ZNF536: variants seen among roughly 807,000 people sequenced by gnomAD.
ZNF536 encodes the protein zinc finger protein 536.
Under a neutral mutation model 84.5 loss-of-function variants are expected in ZNF536, and 13 were observed. The observed-to-expected ratio is 0.15, with a 90% CI of 0.10 to 0.24. ZNF536 has a LOEUF of 0.24. Among genes scored for constraint, ZNF536 ranks in the 10% least tolerant of loss-of-function variants. The pLI is 1.00. For synonymous variants in ZNF536, 811 were observed against 742.5 expected, an observed-to-expected ratio of 1.09 and a Z score of -1.50; for missense variants, 1,536 against 1,747.5, an observed-to-expected ratio of 0.88 and a Z score of 2.16.
At chr19:30,297,118 CAA>C (rs2046022039) in intron 2 of ZNF536, among the ~76,000 whole-genome samples, 2 of 152,200 alleles carry the variant, frequency 1.3e-5, no homozygotes, top group African/African-American at 2.4e-5. Context: ...AAGAGATTTT[CAA>C]AAGAGTCTTG....
chr19:30,403,966 A>G (rs921558379), intron 1 of ZNF536, among the ~76,000 whole-genome samples: 15 of 151,124 alleles, frequency 9.9e-5, no homozygotes, highest in South Asian at 2.1e-4. Context: ...GATTCAGGCA[A>G]TTTAAGCCCT....
At position 30,242,848 on chromosome 19, in the gene ZNF536, A is replaced by C. The variant is rs55818943; in HGVS notation, c.-190+14175A>C. 4.4e-3 allele frequency among the ~76,000 whole-genome samples: 666 copies of C among 152,200 alleles called. 5 individuals carry two copies. Among genetic ancestry groups the C allele is most frequent in the African/African-American group, 0.015 (634 of 41,532 alleles). ...TTAACTTTTTAATTTTATTCTTATTATGTTTTTTGGTGGAAAATGAAATAT... is the reference window on the plus strand; with the variant it reads ...TTAACTTTTTAATTTTATTCTTATTCTGTTTTTTGGTGGAAAATGAAATAT... On this transcript the variant is annotated intron_variant, in intron 1 of 5. Coordinates refer to the ZNF536 transcript ENST00000585628.
Position 30,268,585 on chromosome 19 carries a change from G to A in ZNF536, c.-189-15487G>A, listed in dbSNP as rs573582488. Reference sequence around the variant, plus strand: ...CTGCCTGGTGTCTGAACAAATGGACGATCTATAACGACTTCCTTCTCCTAC... The same window carrying A: ...CTGCCTGGTGTCTGAACAAATGGACAATCTATAACGACTTCCTTCTCCTAC... On this transcript the variant is annotated intron_variant, in intron 1 of 5. Coordinates refer to the ZNF536 transcript ENST00000585628. 3.3e-5 allele frequency among the ~76,000 whole-genome samples: 5 copies of A among 152,242 alleles called. No individual in the cohort carries two copies. In the East Asian group the frequency reaches 7.7e-4, roughly 24 times the overall value.
intron 2 of ZNF536, among the ~76,000 whole-genome samples, chr19:30,345,243 T>TA (rs574075641): frequency 1.3e-5 from 2 of 151,846 alleles, no homozygotes; most frequent in Admixed American, 1.3e-4. Flanking sequence ...CCCCGGGGGC[T>TA]CCCCCCAGCA....
upstream of ZNF536, among the ~76,000 whole-genome samples, chr19:30,226,517 G>A (rs972362511): frequency 1.3e-5 from 2 of 152,092 alleles, no homozygotes; most frequent in African/African-American, 4.8e-5. The surrounding 1 kb of genome is among the most constrained non-coding windows in gnomAD (Gnocchi z 4.6). Flanking sequence ...CGGGAGCCTG[G>A]CCAGGCTGAG....
At chr19:30,676,617 T>C (rs956663201) in intron 1 of ZNF536, among the ~76,000 whole-genome samples, 3 of 152,252 alleles carry the variant, frequency 2.0e-5, no homozygotes, top group Non-Finnish European at 2.9e-5. Flanking sequence ...GACTGGTTTA[T>C]AGATTATGAT....
chr19:30,369,366 T>G (rs1460951386), upstream of ZNF536, among the ~76,000 whole-genome samples: 1 of 152,230 alleles, frequency 6.6e-6, no homozygotes, highest in Non-Finnish European at 1.5e-5. Flanking sequence ...GATCTCTTAT[T>G]TATAAATGTA....
At chr19:30,596,721 T>C (rs2047476648) in intron 1 of ZNF536, among the ~76,000 whole-genome samples, 1 of 152,026 alleles carries the variant, frequency 6.6e-6, no homozygotes, top group Non-Finnish European at 1.5e-5. Context: ...CTTTGCAAAG[T>C]AGTCGGCCGT....
At chr19:30,475,305 T>G (rs1047782981) in intron 2 of ZNF536, among the ~76,000 whole-genome samples, 5 of 152,152 alleles carry the variant, frequency 3.3e-5, no homozygotes, top group African/African-American at 1.2e-4. Context: ...GCCCTGTTCC[T>G]GTCCGTGTAA....
At chr19:30,677,815 GC>G (rs1286069341) in intron 1 of ZNF536, among the ~76,000 whole-genome samples, 1 of 152,148 alleles carries the variant, frequency 6.6e-6, no homozygotes, top group Non-Finnish European at 1.5e-5. Flanking sequence ...CACGTGGCCT[GC>G]CCCCTCTGAT....
At chr19:30,590,137 A>G (rs1012822158) in intron 1 of ZNF536, among the ~76,000 whole-genome samples, 3 of 152,142 alleles carry the variant, frequency 2.0e-5, no homozygotes, top group African/African-American at 7.2e-5. Flanking sequence ...GATGTTGGCC[A>G]TGTCAACCCA....
At chr19:30,290,446 T>A (rs1341929829) in intron 2 of ZNF536, among the ~76,000 whole-genome samples, 3 of 152,074 alleles carry the variant, frequency 2.0e-5, no homozygotes, top group East Asian at 1.9e-4. Context: ...AATTTAAAAA[T>A]TTTTTTGTAG....
chr19:30,709,064 T>A (rs1174827373), intron 1 of ZNF536, among the ~76,000 whole-genome samples: 2 of 152,088 alleles, frequency 1.3e-5, no homozygotes, highest in Non-Finnish European at 2.9e-5. Flanking sequence ...GGAGATGCCA[T>A]TGCTTCAGAA....
chr19:30,564,179 A>T (rs2046271725), intron 1 of ZNF536, among the ~76,000 whole-genome samples: 1 of 152,180 alleles, frequency 6.6e-6, no homozygotes. Context: ...AGATAAAATT[A>T]AATGAAAGAG....
At chr19:30,600,479 C>T (rs928412606) in intron 1 of ZNF536, among the ~76,000 whole-genome samples, 11 of 152,168 alleles carry the variant, frequency 7.2e-5, no homozygotes, top group South Asian at 2.1e-4. Flanking sequence ...GGAGACAGGG[C>T]CCCCACAGGC....
At chr19:30,418,360 C>T (rs1165298721) in intron 1 of ZNF536, among the ~76,000 whole-genome samples, 1 of 152,094 alleles carries the variant, frequency 6.6e-6, no homozygotes, top group Non-Finnish European at 1.5e-5. Context: ...TCAGTCATTC[C>T]CACCGTGGGT....
chr19:30,247,712 C>T (rs2024360968), intron 1 of ZNF536, among the ~76,000 whole-genome samples: 2 of 152,020 alleles, frequency 1.3e-5, no homozygotes, highest in African/African-American at 4.8e-5. Flanking sequence ...ACCTTTAGTC[C>T]CAGCTACTTG....
chr19:30,441,648 T>A (rs1415666133), intron 1 of ZNF536, among the ~76,000 whole-genome samples: 2 of 152,144 alleles, frequency 1.3e-5, no homozygotes, highest in Admixed American at 6.5e-5. Flanking sequence ...TTTAAAAAAA[T>A]TTGAGTGTAG....
At chr19:30,473,734 A>G (rs1219405970) in intron 2 of ZNF536, among the ~76,000 whole-genome samples, 4 of 152,198 alleles carry the variant, frequency 2.6e-5, no homozygotes, top group African/African-American at 9.7e-5. Flanking sequence ...ACCTGCTCAG[A>G]GGAGACGTCC....
Sources: allele counts gnomAD v4.1 joint callset (sites outside exome capture counted in the v4.1 genomes callset), GRCh38; gene constraint gnomAD v4.1.1; non-coding constraint Gnocchi (gnomAD v3.1); transcripts MANE v1.5; gene names NCBI Gene and HGNC (gene_info 2026-07-23, HGNC 2026-07-21).